The following DCLK1 variants were observed in gnomAD, a reference collection of about 807,000 sequenced individuals.
DCLK1 encodes the protein serine/threonine-protein kinase DCLK1.
In DCLK1, 16 loss-of-function variants were observed where a neutral mutation model predicts 86.2. That is an observed-to-expected ratio of 0.19 (90% CI 0.13 to 0.28). The LOEUF is 0.28. Among genes scored for constraint, DCLK1 ranks in the 10% least tolerant of loss-of-function variants. The pLI is 1.00. For missense variants in DCLK1, 590 were observed against 940.2 expected (o/e 0.63, Z 4.87); for synonymous variants, 369 against 370.5 (o/e 1.00, Z 0.05).
intron 3 of DCLK1, among the ~76,000 whole-genome samples, chr13:36,096,053 T>C (rs1390441141): frequency 3.9e-5 from 6 of 152,112 alleles, no homozygotes; most frequent in Admixed American, 2.6e-4. Flanking sequence ...ACAAGTTCCA[T>C]TGGTTTTGAA....
rs1008421942 is a variant in DCLK1, at chr13:35,871,269, G to A, written c.895C>T (p.Pro299Ser). Reference sequence around the variant, plus strand: ...GACTTGCTACGCCTGGACGGTCCTGGGCTCTTGGTGGTGCTCCTGCGGGAT... The same window carrying A: ...GACTTGCTACGCCTGGACGGTCCTGAGCTCTTGGTGGTGCTCCTGCGGGAT... Reference protein sequence around the residue: ...SSSRRSTTKSPGPSRRSKSPA... With the variant: ...SSSRRSTTKSSGPSRRSKSPA... Residue 299 changes from proline to serine, a missense_variant, in exon 5 of 17, where the codon CCA becomes TCA. Physicochemically the swap from Pro to Ser is moderately conservative, Grantham distance 74 (BLOSUM62 -1). Transcript: ENST00000360631. 6.2e-7 allele frequency: 1 copy of A among 1,613,992 alleles called. No homozygotes were observed. Among genetic ancestry groups the A allele is most frequent in the Admixed American group, 1.7e-5 (1 of 60,000 alleles).
chr13:36,101,689 T>C (rs1284541524), intron 3 of DCLK1, among the ~76,000 whole-genome samples: 1 of 152,138 alleles, frequency 6.6e-6, no homozygotes, highest in Non-Finnish European at 1.5e-5. Context: ...CCTGGTGGCC[T>C]TGCTGCTGCT....
At chr13:35,991,666 AAAC>A (rs1183332832) in intron 3 of DCLK1, among the ~76,000 whole-genome samples, 3 of 152,270 alleles carry the variant, frequency 2.0e-5, no homozygotes, top group South Asian at 2.1e-4. Context: ...TATCTCAAAC[AAAC>A]AACAACAACA....
chr13:35,955,154 G>A (rs1465579803), intron 3 of DCLK1, among the ~76,000 whole-genome samples: 1 of 151,874 alleles, frequency 6.6e-6, no homozygotes, highest in Non-Finnish European at 1.5e-5. Flanking sequence ...CACCTAAGCA[G>A]ACTGCAACCT....
chr13:36,014,083 A>C (rs1471614785), intron 3 of DCLK1, among the ~76,000 whole-genome samples: 3 of 152,062 alleles, frequency 2.0e-5, no homozygotes, highest in Admixed American at 6.5e-5. Context: ...CGGTGCGCGC[A>C]CCCACTGGCC....
At chr13:35,976,955 CA>C (rs1566629307) in intron 3 of DCLK1, among the ~76,000 whole-genome samples, 1 of 152,122 alleles carries the variant, frequency 6.6e-6, no homozygotes. Context: ...AAAGAATTAA[CA>C]AAGCCTCAGG....
At chr13:35,841,301 C>G (rs1335515182) in intron 6 of DCLK1, among the ~76,000 whole-genome samples, 6 of 152,168 alleles carry the variant, frequency 3.9e-5, no homozygotes, top group Non-Finnish European at 8.8e-5. Flanking sequence ...GTAAGAACAT[C>G]AGGTACTCGA....
chr13:35,979,158 T>C (rs1430791165), intron 3 of DCLK1, among the ~76,000 whole-genome samples: 1 of 152,232 alleles, frequency 6.6e-6, no homozygotes. Context: ...GTTTTTGGTC[T>C]GGAGAAATAT....
At chr13:35,783,679 G>A (rs1472961879) in intron 16 of DCLK1, among the ~76,000 whole-genome samples, 2 of 151,514 alleles carry the variant, frequency 1.3e-5, no homozygotes, top group East Asian at 1.9e-4. Context: ...CCGCCTCCCG[G>A]GCCCAAATGA....
Position 35,799,477 on chromosome 13 carries a change from C to G in DCLK1, c.1945-5998G>C, listed in dbSNP as rs913105782. Among the ~76,000 whole-genome samples, 8 of 152,210 alleles carry G rather than the reference C, an allele frequency of 5.3e-5. No homozygotes were observed. In the South Asian group the frequency reaches 1.0e-3, roughly 20 times the overall value. ...TGTTGGCCAGGCTGGTCTTGAACTC[C>G]CGACCTCAGGTTATCTGCCCGCCTC... is the stretch of plus-strand genomic sequence containing the variant. On this transcript the variant is annotated intron_variant, in intron 15 of 16. Transcript: ENST00000360631.
intron 16 of DCLK1, among the ~76,000 whole-genome samples, chr13:35,779,037 C>T (rs889874753): frequency 1.3e-5 from 2 of 151,952 alleles, no homozygotes; most frequent in East Asian, 1.9e-4. Context: ...TTTATTTTCT[C>T]GGAGTCTCAC....
chr13:35,901,685 C>T (rs1874377092), intron 4 of DCLK1, among the ~76,000 whole-genome samples: 1 of 151,962 alleles, frequency 6.6e-6, no homozygotes, highest in Non-Finnish European at 1.5e-5. Context: ...CCAGCCTCCT[C>T]CACCAGGCTG....
intron 3 of DCLK1, among the ~76,000 whole-genome samples, chr13:35,975,470 C>T (rs1879286954): frequency 6.6e-6 from 1 of 152,116 alleles, no homozygotes; most frequent in African/African-American, 2.4e-5. Flanking sequence ...CTGGACAAGT[C>T]CCCACCACAC....
rs141477207 is a variant in DCLK1, at chr13:35,905,920, C to T, written c.824-34580G>A. 2.6e-3 allele frequency among the ~76,000 whole-genome samples: 399 copies of T among 152,126 alleles called. 2 individuals are homozygous for T. Among genetic ancestry groups the T allele is most frequent in the Non-Finnish European group, 4.7e-3 (320 of 68,006 alleles). Reference sequence around the variant, plus strand: ...AGTCCCAGTCGCCCATTATATATCTCGGCAAACTTTCATTTAATTAACAGA... The same window carrying T: ...AGTCCCAGTCGCCCATTATATATCTTGGCAAACTTTCATTTAATTAACAGA... On this transcript the variant is annotated intron_variant, in intron 4 of 16. Transcript: ENST00000360631.
At position 35,849,601 on chromosome 13, in the gene DCLK1, A is replaced by C. The variant is rs1295448349; in HGVS notation, c.1035+4898T>G. Reference sequence around the variant, plus strand: ...ATTATTTTATGTTTAAGCAAAGACGACTATAATTTTTAAAATAGAGGACTA... The same window carrying C: ...ATTATTTTATGTTTAAGCAAAGACGCCTATAATTTTTAAAATAGAGGACTA... On this transcript the variant is annotated intron_variant, in intron 6 of 16. Coordinates refer to ENST00000360631, the MANE Select transcript of DCLK1 (RefSeq NM_001330071.2). The C allele has an allele frequency of 9.2e-6, 9 of 977,566 alleles. No homozygotes were observed. The East Asian group carries it at 9.1e-4, about 99-fold the overall frequency. The allele number at this position is 977,566 out of a possible 1,614,324, so 60.6% of individuals were successfully genotyped here.
chr13:35,783,491 G>A (rs77633868), intron 16 of DCLK1, among the ~76,000 whole-genome samples: 2,064 of 152,102 alleles, frequency 0.014, 45 homozygotes, highest in African/African-American at 0.047. Flanking sequence ...GAAATGGGGC[G>A]GACTAGATCC....
At chr13:35,867,767 T>C (rs1424303081) in intron 5 of DCLK1, among the ~76,000 whole-genome samples, 1 of 151,894 alleles carries the variant, frequency 6.6e-6, no homozygotes, top group African/African-American at 2.4e-5. Context: ...AATTATATTT[T>C]TAAGATTAGA....
At chr13:35,866,614 G>T (rs1047513497) in intron 5 of DCLK1, among the ~76,000 whole-genome samples, 54 of 138,134 alleles carry the variant, frequency 3.9e-4, no homozygotes, top group African/African-American at 1.1e-3. Flanking sequence ...GCTAATTTTT[G>T]TATTTTTTTT....
chr13:36,091,250 C>T (rs1593881325), intron 3 of DCLK1, among the ~76,000 whole-genome samples: 3 of 152,046 alleles, frequency 2.0e-5, no homozygotes, highest in East Asian at 3.9e-4. Flanking sequence ...TTTAGTCATG[C>T]AGGGCTTAAA....
Sources: allele counts gnomAD v4.1 joint callset (sites outside exome capture counted in the v4.1 genomes callset), GRCh38; gene constraint gnomAD v4.1.1; transcripts MANE v1.5; gene names NCBI Gene and HGNC (gene_info 2026-07-23, HGNC 2026-07-21).